Variants in PIEZO2 observed in about 807,000 individuals in gnomAD.
PIEZO2 encodes piezo-type mechanosensitive ion channel component 2.
In PIEZO2, 172 loss-of-function variants were observed where a neutral mutation model predicts 337.3. That is an observed-to-expected ratio of 0.51 (90% CI 0.45 to 0.58). The LOEUF is 0.58. PIEZO2 is among the 20% of genes least tolerant of loss of function. The pLI is 0.00. For missense variants in PIEZO2, 3,028 were observed against 3,391.3 expected (o/e 0.89, Z 2.66); for synonymous variants, 1,251 against 1,228.5 (o/e 1.02, Z -0.38).
chr18:10,817,514 C>T (rs1199817105), intron 7 of PIEZO2, among the ~76,000 whole-genome samples: 1 of 152,110 alleles, frequency 6.6e-6, no homozygotes, highest in African/African-American at 2.4e-5. Flanking sequence ...AACTTATAGA[C>T]CATATTTTTA....
In PIEZO2 at chr18:10,890,268, T is replaced by A. The variant is rs188178558; in HGVS notation, c.330-18853A>T. Among the ~76,000 whole-genome samples the A allele has an allele frequency of 1.2e-3, 190 of 152,328 alleles. No individual in the cohort carries two copies. The Middle Eastern group carries it at 0.031, about 25-fold the overall frequency. ...AACTAAAGTGTGAGGATTATGAATGTAATCCACAGTACACATTTCTAAGGC... is the reference window on the plus strand; with the variant it reads ...AACTAAAGTGTGAGGATTATGAATGAAATCCACAGTACACATTTCTAAGGC... On this transcript the variant is annotated intron_variant, in intron 4 of 55. Coordinates refer to ENST00000674853, the MANE Select transcript of PIEZO2 (RefSeq NM_001378183.1).
intron 4 of PIEZO2, among the ~76,000 whole-genome samples, chr18:10,873,161 T>C (rs1338540751): frequency 6.6e-6 from 1 of 152,230 alleles, no homozygotes; most frequent in African/African-American, 2.4e-5. Context: ...GCAAGAACCT[T>C]GGCATCTAGA....
chr18:11,012,371 G>C (rs755096882), intron 2 of PIEZO2, among the ~76,000 whole-genome samples: 8 of 152,114 alleles, frequency 5.3e-5, no homozygotes, highest in African/African-American at 1.9e-4. Flanking sequence ...AAGCATATAG[G>C]ACACTTAGAG....
At chr18:10,831,490 G>T (rs964441882) in intron 7 of PIEZO2, among the ~76,000 whole-genome samples, 5 of 152,186 alleles carry the variant, frequency 3.3e-5, no homozygotes, top group Non-Finnish European at 5.9e-5. Flanking sequence ...CTGACTCATG[G>T]AGATGGAGAG....
chr18:10,696,172 G>A lies in PIEZO2; in HGVS notation c.7092C>T (p.Tyr2364=), dbSNP rs185544887. ...FGTMVVDRAL[Y]LRKTVLGKVI... is the part of the protein sequence containing the mutation. ...CCTTTCCCAGTACAGTCTTCCTGAG[G>A]TAGAGGGCTCGGTCCACCACCATGG... Residue 2364 remains tyrosine, a synonymous_variant, in exon 47 of 56, where the codon TAC becomes TAT. Transcript: ENST00000674853. The A allele has an allele frequency of 2.0e-5, 33 of 1,614,110 alleles. No individual in the cohort carries two copies. The highest frequency in any genetic ancestry group is 3.3e-4 in the Middle Eastern group (2 of 6,062).
chr18:10,809,579 CTTT>C (rs34468777), intron 7 of PIEZO2, among the ~76,000 whole-genome samples: 2 of 148,946 alleles, frequency 1.3e-5, no homozygotes, highest in Admixed American at 6.7e-5. Flanking sequence ...CTCTCTCTCT[CTTT>C]TTTTTTTTCT....
At chr18:11,103,103 A>G (rs1283801450) in intron 1 of PIEZO2, among the ~76,000 whole-genome samples, 1 of 152,192 alleles carries the variant, frequency 6.6e-6, no homozygotes, top group African/African-American at 2.4e-5. Context: ...CTGATTCTTG[A>G]CAATGAGAGG....
chr18:11,006,016 C>A (rs1013393594), intron 2 of PIEZO2, among the ~76,000 whole-genome samples: 8 of 152,138 alleles, frequency 5.3e-5, no homozygotes, highest in Non-Finnish European at 1.2e-4. Context: ...TATAAACTGG[C>A]AAGAAGACAA....
intron 44 of PIEZO2, 85 bp from the exon 45 acceptor site, chr18:10,697,965 A>T (rs1010816907): frequency 7.0e-7 from 1 of 1,432,678 alleles, no homozygotes; most frequent in South Asian, 1.3e-5. Flanking sequence ...CCCAGAGCCC[A>T]CATGGTGGAG....
chr18:10,936,515 C>T (rs8094691), intron 3 of PIEZO2, among the ~76,000 whole-genome samples: 11,141 of 152,148 alleles, frequency 0.073, 509 homozygotes, highest in Admixed American at 0.13. Flanking sequence ...GCTACCGATG[C>T]GAAAATGTTG....
At chr18:10,704,765 A>G (rs1172244557) in intron 41 of PIEZO2, 113 bp from the exon 42 acceptor site, 1 of 1,258,730 alleles carries the variant, frequency 7.9e-7, no homozygotes, top group Non-Finnish European at 1.1e-6. Context: ...GCTCACTGCA[A>G]CCTCCGCCTC....
intron 7 of PIEZO2, among the ~76,000 whole-genome samples, chr18:10,811,113 A>G (rs1281370667): frequency 1.3e-5 from 2 of 152,064 alleles, no homozygotes; most frequent in African/African-American, 4.8e-5. Flanking sequence ...CCCTGAAGCC[A>G]TTTCCCAGCA....
At chr18:11,029,685 G>C (rs2625366) in intron 2 of PIEZO2, among the ~76,000 whole-genome samples, 47,219 of 151,854 alleles carry the variant, frequency 0.31, 7,728 homozygotes, top group East Asian at 0.44. Flanking sequence ...CCAGGCCAAC[G>C]TTTTTTGTGT....
rs887322862 is a variant in PIEZO2 at position 10,741,072 on chromosome 18, T to C, written c.4667A>G (p.Lys1556Arg). Residue 1556 changes from lysine (K) to arginine (R), a missense_variant, in exon 33 of 56, where the codon AAA becomes AGA. By Grantham distance (26) the Lys-to-Arg change is conservative. Coordinates refer to ENST00000674853, the MANE Select transcript of PIEZO2 (RefSeq NM_001378183.1). ...CCAAGGCCGCCACCACTGCTTTTTT[T>C]TGCCCTTGGCTTTCTGTTTGTCTGC... ...READKQKAKG[K>R]KKQWWRPWVD... 9 of 1,537,080 alleles carry C rather than the reference T, an allele frequency of 5.9e-6. No individual in the cohort carries two copies. Among genetic ancestry groups the C allele is most frequent in the Non-Finnish European group, 7.8e-6 (9 of 1,146,896 alleles).
intron 1 of PIEZO2, among the ~76,000 whole-genome samples, chr18:11,082,937 A>G (rs2145994021): frequency 6.6e-6 from 1 of 152,328 alleles, no homozygotes; most frequent in South Asian, 2.1e-4. Context: ...TATATTAAAC[A>G]CATAGGATGC....
chr18:10,901,438 A>G (rs868502036), intron 4 of PIEZO2, among the ~76,000 whole-genome samples: 69 of 150,212 alleles, frequency 4.6e-4, no homozygotes, highest in Non-Finnish European at 6.6e-4. Flanking sequence ...ACGCACACAC[A>G]CACACACACA....
rs879851249 is a variant in PIEZO2 at position 11,109,545 on chromosome 18, G to A, written c.64+38980C>T. 7.9e-5 allele frequency among the ~76,000 whole-genome samples: 12 copies of A among 151,464 alleles called. No homozygotes were observed. The highest frequency in any genetic ancestry group is 2.1e-4 in the South Asian group (1 of 4,788). ...ACCCTGGCCAAGATGGCGAAACCCCGTCTCTACTGAAAATACAAAAAAATT... is the reference window on the plus strand; with the variant it reads ...ACCCTGGCCAAGATGGCGAAACCCCATCTCTACTGAAAATACAAAAAAATT... On this transcript the variant is annotated intron_variant, in intron 1 of 55. Coordinates refer to ENST00000674853, the MANE Select transcript of PIEZO2 (RefSeq NM_001378183.1). The surrounding 1 kb of genome is among the most constrained non-coding windows in gnomAD (Gnocchi z 5.1).
intron 43 of PIEZO2, among the ~76,000 whole-genome samples, chr18:10,699,980 A>G (rs1003711541): frequency 1.2e-4 from 18 of 152,228 alleles, no homozygotes; most frequent in African/African-American, 4.3e-4. Flanking sequence ...GAGAATGATC[A>G]ATCCACCAGT....
intron 3 of PIEZO2, among the ~76,000 whole-genome samples, chr18:10,961,760 A>G (rs936823929): frequency 6.6e-6 from 1 of 152,144 alleles, no homozygotes; most frequent in African/African-American, 2.4e-5. Flanking sequence ...ATTTGAGTTG[A>G]GTAAAAAAGG....
Sources: gnomAD v4.1 joint callset for allele counts (sites outside exome capture counted in the v4.1 genomes callset) on GRCh38, gnomAD v4.1.1 for gene constraint, Gnocchi (gnomAD v3.1) non-coding constraint, MANE v1.5 for transcripts, NCBI Gene and HGNC (gene_info 2026-07-23, HGNC 2026-07-21) for gene names.